Variants in TBCD observed in about 807,000 individuals in gnomAD.
TBCD encodes the protein tubulin folding cofactor D, also known as tubulin-specific chaperone D.
In TBCD, 105 loss-of-function variants were observed where a neutral mutation model predicts 169.3. The observed-to-expected ratio is 0.62, with a 90% CI of 0.53 to 0.73. The LOEUF (loss-of-function observed/expected upper bound fraction) is 0.73, where lower values mean the gene tolerates loss of function less well. Ranked by LOEUF, TBCD falls within the 30% of genes least tolerant of loss-of-function variation. The probability of loss-of-function intolerance (pLI) is 0.00; values close to 1 mark genes in which losing one functional copy is unlikely to be tolerated. For synonymous variants in TBCD, 700 were observed against 643.9 expected (o/e 1.09, Z -1.32); for missense variants, 1,444 against 1,600.1 (o/e 0.90, Z 1.66).
chr17:82,867,446 C>G (rs188589247), intron 13 of TBCD, among the ~76,000 whole-genome samples: 7 of 152,362 alleles, frequency 4.6e-5, no homozygotes, highest in Non-Finnish European at 8.8e-5. Flanking sequence ...CCCTGGGGAT[C>G]TGGCCTGGCA....
chr17:82,865,254 G>T (rs940656617), intron 13 of TBCD, among the ~76,000 whole-genome samples: 1 of 152,112 alleles, frequency 6.6e-6, no homozygotes, highest in Non-Finnish European at 1.5e-5. Flanking sequence ...CTGCAGGGAC[G>T]GCCACACGGA....
chr17:82,841,429 C>T (rs965616689), intron 13 of TBCD, among the ~76,000 whole-genome samples: 7 of 151,074 alleles, frequency 4.6e-5, no homozygotes, highest in African/African-American at 1.5e-4. Flanking sequence ...GTGATCCTCC[C>T]GCCTCAGTCT....
intron 13 of TBCD, among the ~76,000 whole-genome samples, chr17:82,840,740 A>G (rs2054407063): frequency 6.6e-6 from 1 of 151,750 alleles, no homozygotes; most frequent in Admixed American, 6.6e-5. Context: ...CTTGGGGGCC[A>G]GTTTTTACCT....
chr17:82,876,546 ATTT>A (rs570479779), intron 14 of TBCD, among the ~76,000 whole-genome samples: 299 of 152,224 alleles, frequency 2.0e-3, no homozygotes, highest in African/African-American at 7.0e-3. Context: ...ACCTGTTTGT[ATTT>A]ATTTCTCGAT....
intron 6 of TBCD, among the ~76,000 whole-genome samples, chr17:82,777,287 T>TGC: frequency 6.6e-6 from 1 of 152,180 alleles, no homozygotes; most frequent in Non-Finnish European, 1.5e-5. Context: ...TTAGTGCCAT[T>TGC]TTGTGTCTGT....
At chr17:82,940,304 G>C (rs1330754454) in intron 37 of TBCD, among the ~76,000 whole-genome samples, 2 of 152,186 alleles carry the variant, frequency 1.3e-5, no homozygotes, top group African/African-American at 2.4e-5. Context: ...GAAGCAACCA[G>C]AGGCTGTGTG....
At chr17:82,774,688 C>T (rs1303924153) in intron 6 of TBCD, among the ~76,000 whole-genome samples, 1 of 152,194 alleles carries the variant, frequency 6.6e-6, no homozygotes, top group Non-Finnish European at 1.5e-5. Context: ...GCCCCCCACC[C>T]GAGTGTGTCT....
At chr17:82,854,597 C>T (rs1185461450) in intron 13 of TBCD, among the ~76,000 whole-genome samples, 1 of 152,216 alleles carries the variant, frequency 6.6e-6, no homozygotes, top group Admixed American at 6.5e-5. Flanking sequence ...CTGCAGGTTA[C>T]TTGTATGGGT....
intron 5 of TBCD, among the ~76,000 whole-genome samples, chr17:82,769,807 G>A (rs997035055): frequency 6.6e-6 from 1 of 151,378 alleles, no homozygotes; most frequent in Admixed American, 6.6e-5. Flanking sequence ...AACCTGGGAG[G>A]TGGAGATTGT....
chr17:82,927,932 G>C lies in TBCD; in HGVS notation c.2637G>C (p.Leu879=). The C allele has an allele frequency of 6.2e-7, 1 of 1,613,500 alleles. No homozygotes were observed. Among genetic ancestry groups the C allele is most frequent in the Non-Finnish European group, 8.5e-7 (1 of 1,179,786 alleles). ...TCCGCAAGGCCGCCATGACCAGTCTGATGGATCTGACACTTCTGCTGGCTC... is the reference window on the plus strand; with the variant it reads ...TCCGCAAGGCCGCCATGACCAGTCTCATGGATCTGACACTTCTGCTGGCTC... ...TWVRKAAMTS[L]MDLTLLLARS... Residue 879 remains leucine, a synonymous_variant, in exon 30 of 39, where the codon CTG becomes CTC. Transcript: ENST00000355528.
intron 9 of TBCD, among the ~76,000 whole-genome samples, chr17:82,802,580 G>A (rs1368772904): frequency 6.6e-6 from 1 of 152,232 alleles, no homozygotes; most frequent in Non-Finnish European, 1.5e-5. Context: ...AAAGGCCTCA[G>A]GGTGGAGACC....
chr17:82,789,544 C>G lies in TBCD; in HGVS notation c.771+7823C>G, dbSNP rs995299481. 6.6e-6 allele frequency among the ~76,000 whole-genome samples: 1 copy of G among 152,208 alleles called. No homozygotes were observed. Among genetic ancestry groups the G allele is most frequent in the East Asian group, 1.9e-4 (1 of 5,192 alleles). On this transcript the variant is annotated intron_variant, in intron 7 of 38. Transcript: ENST00000355528. The surrounding 1 kb of genome is among the most constrained non-coding windows in gnomAD (Gnocchi z 4.8). ...AGAGCTGGGTCTCAGTGGCCCCTGC[C>G]CCAGTCGTCCTGACCTGTGGCCCCT...
intron 13 of TBCD, chr17:82,860,423 G>A (rs2056663406): frequency 1.0e-6 from 1 of 985,518 alleles, no homozygotes; most frequent in Non-Finnish European, 1.2e-6. Context: ...ACAGCGAGGG[G>A]GACAGACACA....
chr17:82,862,099 T>C (rs1251375783), intron 13 of TBCD, among the ~76,000 whole-genome samples: 2 of 152,016 alleles, frequency 1.3e-5, no homozygotes, highest in Non-Finnish European at 2.9e-5. Context: ...ATTTTTTGTA[T>C]TTTTAGTAGA....
intron 13 of TBCD, among the ~76,000 whole-genome samples, chr17:82,855,235 C>CTTTTTTTTTTTTTTTTTTTT (rs58346723): frequency 7.4e-5 from 4 of 53,992 alleles, no homozygotes; most frequent in Non-Finnish European, 1.4e-4. Context: ...AAGGTGTTTG[C>CTTTTTTTTTTTTTTTTTTTT]TTTTTTTTTT....
intron 7 of TBCD, chr17:82,796,127 C>A (rs1207221260): frequency 6.6e-6 from 1 of 152,264 alleles, no homozygotes; most frequent in African/African-American, 2.4e-5. Flanking sequence ...CTTCTCGTTG[C>A]ACACTGGTGG....
Position 82,943,106 on chromosome 17 carries a change from A to ATGTC in TBCD, c.*646_*649dup, listed in dbSNP as rs1043825114. On this transcript the variant is annotated 3_prime_UTR_variant, in exon 39 of 39. Transcript: ENST00000355528. ...GGTGTGCCGACCAGCAGCTTCACAA[A>ATGTC]TGTCTGCTGCAAGGGGAATCGTCAG... is the stretch of plus-strand genomic sequence containing the variant. 5.9e-5 allele frequency: 9 copies of ATGTC among 153,070 alleles called. No individual in the cohort carries two copies. The highest frequency in any genetic ancestry group is 1.7e-4 in the African/African-American group (7 of 41,574). 9.5% of individuals were successfully genotyped at this position (153,070 alleles called of 1,614,324 possible).
intron 15 of TBCD, among the ~76,000 whole-genome samples, chr17:82,885,591 C>T (rs1599215742): frequency 6.6e-6 from 1 of 152,088 alleles, no homozygotes; most frequent in Non-Finnish European, 1.5e-5. Flanking sequence ...TACCCAAAGG[C>T]AGTAAATGTA....
chr17:82,940,008 G>C lies in TBCD; in HGVS notation c.3479+532G>C, dbSNP rs535267514. 6.6e-5 allele frequency among the ~76,000 whole-genome samples: 10 copies of C among 152,316 alleles called. No individual in the cohort carries two copies. In the South Asian group the frequency reaches 2.1e-3, roughly 32 times the overall value. ...GGCACAGTTTCTGCAACATGGGCTG[G>C]CTTCTTTACCATGGGTGGAGTAGAA... On this transcript the variant is annotated intron_variant, in intron 37 of 38. Transcript: ENST00000355528.
Sources: gnomAD v4.1 joint callset for allele counts (sites outside exome capture counted in the v4.1 genomes callset) on GRCh38, gnomAD v4.1.1 for gene constraint, Gnocchi (gnomAD v3.1) non-coding constraint, MANE v1.5 for transcripts, NCBI Gene and HGNC (gene_info 2026-07-23, HGNC 2026-07-21) for gene names.